The following IGSF11 variants were observed in gnomAD, a reference collection of about 807,000 sequenced individuals.
The protein encoded by IGSF11 is immunoglobulin superfamily member 11.
A neutral mutation model predicts 41.0 loss-of-function variants in IGSF11; 22 were observed. That is an observed-to-expected ratio of 0.54 (90% CI 0.38 to 0.77). The LOEUF (loss-of-function observed/expected upper bound fraction) is 0.77. IGSF11 is among the 30% of genes least tolerant of loss of function. The pLI is 0.00. For synonymous variants in IGSF11, 219 were observed against 201.3 expected (o/e 1.09, Z -0.74); for missense variants, 444 against 530.8 (o/e 0.84, Z 1.61).
At chr3:118,975,558 G>A (rs1225192843) in intron 1 of IGSF11, among the ~76,000 whole-genome samples, 1 of 152,142 alleles carries the variant, frequency 6.6e-6, no homozygotes, top group Non-Finnish European at 1.5e-5. Context: ...AAAAGATGAA[G>A]CATCAACTCT....
At chr3:119,045,599 G>T (rs1347482689) in intron 1 of IGSF11, among the ~76,000 whole-genome samples, 2 of 152,038 alleles carry the variant, frequency 1.3e-5, no homozygotes, top group Non-Finnish European at 2.9e-5. Context: ...GCTTGCTTAG[G>T]TAAACAAAGC....
At chr3:118,904,458 C>A (rs996670051) in intron 6 of IGSF11, among the ~76,000 whole-genome samples, 190 bp downstream of exon 6, 19 of 152,148 alleles carry the variant, frequency 1.2e-4, no homozygotes, top group African/African-American at 4.1e-4. Context: ...CCTTTCCCTC[C>A]TTCATGATCC....
At chr3:119,130,134 A>G (rs993918026) in intron 1 of IGSF11, among the ~76,000 whole-genome samples, 2 of 152,170 alleles carry the variant, frequency 1.3e-5, no homozygotes, top group African/African-American at 4.8e-5. Context: ...AGCTCCCAGA[A>G]TGATTGATGC....
intron 1 of IGSF11, among the ~76,000 whole-genome samples, chr3:119,011,361 A>C (rs1350297618): frequency 6.6e-6 from 1 of 152,214 alleles, no homozygotes; most frequent in Non-Finnish European, 1.5e-5. Context: ...GACCAAGAGA[A>C]GGAGAACATC....
intron 4 of IGSF11, among the ~76,000 whole-genome samples, chr3:118,910,963 T>C (rs1271021407): frequency 6.6e-6 from 1 of 152,134 alleles, no homozygotes; most frequent in Non-Finnish European, 1.5e-5. Context: ...TACATTTTCA[T>C]AGCATTAACA....
intron 1 of IGSF11, among the ~76,000 whole-genome samples, chr3:118,968,411 G>A (rs1356788667): frequency 6.6e-6 from 1 of 151,950 alleles, no homozygotes; most frequent in Non-Finnish European, 1.5e-5. Context: ...AAACCCAATG[G>A]GGAAGTACTC....
At chr3:118,996,997 C>G (rs1254059777) in intron 1 of IGSF11, among the ~76,000 whole-genome samples, 1 of 152,132 alleles carries the variant, frequency 6.6e-6, no homozygotes, top group African/African-American at 2.4e-5. Context: ...AGGATCAGGC[C>G]TAGAGTAAGA....
In IGSF11 at chr3:118,946,204, G is replaced by GCGCA. The variant is rs778505491; in HGVS notation, c.53-15930_53-15929insTGCG. ...TTAACCATTGGCTACACACACACAC[G>GCGCA]CACACACACACACACACACACAAAC... is the stretch of plus-strand genomic sequence containing the variant. On this transcript the variant is annotated intron_variant, in intron 1 of 6. Transcript: ENST00000393775. Among the ~76,000 whole-genome samples the GCGCA allele has an allele frequency of 7.1e-5, 10 of 140,726 alleles. No individual in the cohort carries two copies. The South Asian group carries it at 1.1e-3, about 16-fold the overall frequency. The allele number at this position is 140,726 out of a possible 152,430, so 92.3% of individuals were successfully genotyped here.
At position 118,940,219 on chromosome 3, in the gene IGSF11, T is replaced by C. The variant is rs570594605; in HGVS notation, c.53-9944A>G. Among the ~76,000 whole-genome samples the C allele has an allele frequency of 7.2e-5, 11 of 152,272 alleles. No individual in the cohort carries two copies. In the South Asian group the frequency reaches 1.9e-3, roughly 26 times the overall value. On this transcript the variant is annotated intron_variant, in intron 1 of 6. Coordinates refer to ENST00000393775, the MANE Select transcript of IGSF11 (RefSeq NM_001015887.3). Reference sequence around the variant, plus strand: ...GCAAGAATAAGAATTAAAAGACATATAGATTGAAAATTTCAAAGTAAAACT... The same window carrying C: ...GCAAGAATAAGAATTAAAAGACATACAGATTGAAAATTTCAAAGTAAAACT...
At chr3:118,927,924 C>T (rs936830752) in intron 3 of IGSF11, among the ~76,000 whole-genome samples, 4 of 151,738 alleles carry the variant, frequency 2.6e-5, no homozygotes, top group African/African-American at 9.7e-5. Context: ...TTAATCTAAA[C>T]GTTGTTGTTT....
chr3:118,999,250 T>A (rs1936571920), intron 1 of IGSF11, among the ~76,000 whole-genome samples: 1 of 151,970 alleles, frequency 6.6e-6, no homozygotes, highest in Non-Finnish European at 1.5e-5. Flanking sequence ...AAGAAAGAAA[T>A]GGTCAAAATA....
chr3:119,035,508 T>C (rs959420641), upstream of IGSF11, among the ~76,000 whole-genome samples: 40 of 152,206 alleles, frequency 2.6e-4, no homozygotes, highest in African/African-American at 9.4e-4. Context: ...ACTTCTAATA[T>C]TTTAAGTTTT....
At chr3:119,101,390 T>A (rs947230538) in intron 1 of IGSF11, among the ~76,000 whole-genome samples, 5 of 151,980 alleles carry the variant, frequency 3.3e-5, no homozygotes, top group African/African-American at 1.2e-4. Flanking sequence ...ATGTCTGTAG[T>A]CCCAGATACT....
intron 1 of IGSF11, among the ~76,000 whole-genome samples, chr3:119,127,343 G>A (rs1410877203): frequency 2.0e-5 from 3 of 151,508 alleles, no homozygotes; most frequent in East Asian, 1.9e-4. Context: ...AAATGAAAAG[G>A]AATGAAAAAA....
intron 1 of IGSF11, among the ~76,000 whole-genome samples, chr3:119,065,845 T>C (rs1283831452): frequency 6.6e-6 from 1 of 151,892 alleles, no homozygotes; most frequent in African/African-American, 2.4e-5. Context: ...GTATTCTGTT[T>C]TATAAAAGAA....
Position 118,930,096 on chromosome 3 carries a change from G to T in IGSF11, c.216+16C>A. ...GATTAACCTTTTAGAGGTAGCACAGGATGCAACAGAAATACCTGTTCAGGT... is the reference window on the plus strand; with the variant it reads ...GATTAACCTTTTAGAGGTAGCACAGTATGCAACAGAAATACCTGTTCAGGT... On this transcript the variant is annotated intron_variant, in intron 2 of 6. Coordinates refer to ENST00000393775, the MANE Select transcript of IGSF11 (RefSeq NM_001015887.3). The T allele has an allele frequency of 6.2e-7, 1 of 1,607,766 alleles. No individual in the cohort carries two copies. The highest frequency in any genetic ancestry group is 8.5e-7 in the Non-Finnish European group (1 of 1,176,314).
intron 1 of IGSF11, among the ~76,000 whole-genome samples, chr3:118,990,673 C>T (rs6765436): frequency 0.011 from 1,726 of 152,292 alleles, 38 homozygotes; most frequent in African/African-American, 0.038. Context: ...ATTGTAGACA[C>T]TATGGAAAAT....
intron 1 of IGSF11, among the ~76,000 whole-genome samples, chr3:118,981,342 G>C (rs1408168584): frequency 6.6e-6 from 1 of 151,906 alleles, no homozygotes; most frequent in East Asian, 1.9e-4. Context: ...GCTAATTTTT[G>C]TATTTTTTGT....
In IGSF11 at chr3:118,926,081, TA is replaced by T; in HGVS notation, c.580+19del. The T allele has an allele frequency of 6.9e-7, 1 of 1,455,340 alleles. No individual in the cohort carries two copies. The highest frequency in any genetic ancestry group is 9.2e-7 in the Non-Finnish European group (1 of 1,087,886). 90.2% of individuals were successfully genotyped at this position (1,455,340 alleles called of 1,614,324 possible). A position where few individuals can be genotyped will look rare whatever the true frequency, so the allele number is the denominator to read the frequency against. On this transcript the variant is annotated intron_variant, in intron 4 of 6. Transcript: ENST00000393775. ...TGTCCATGATAACTAATAAAATGGG[TA>T]AAGCAGCACTGTACATACCCTGAGT...
Sources: allele counts gnomAD v4.1 joint callset (sites outside exome capture counted in the v4.1 genomes callset), GRCh38; gene constraint gnomAD v4.1.1; transcripts MANE v1.5; gene names NCBI Gene and HGNC (gene_info 2026-07-23, HGNC 2026-07-21).